CPSF2: variants seen among roughly 807,000 people sequenced by gnomAD.
The protein encoded by CPSF2 is cleavage and polyadenylation specificity factor subunit 2.
Under a neutral mutation model 84.2 loss-of-function variants are expected in CPSF2, and 51 were observed. The ratio of observed to expected loss-of-function variants is 0.61; its 90% CI spans 0.48 to 0.77. CPSF2 has a LOEUF of 0.77. Among genes scored for constraint, CPSF2 ranks in the 30% least tolerant of loss-of-function variants. The probability of loss-of-function intolerance (pLI) is 0.00; values close to 1 mark genes in which losing one functional copy is unlikely to be tolerated. For synonymous variants in CPSF2, 286 were observed against 311.9 expected, an observed-to-expected ratio of 0.92 and a Z score of 0.87; for missense variants, 641 against 929.4, an observed-to-expected ratio of 0.69 and a Z score of 4.03.
chr14:92,142,122 T>A, intron 7 of CPSF2, 42 bp from the exon 8 acceptor site: 1 of 1,396,362 alleles, frequency 7.2e-7, no homozygotes, highest in Non-Finnish European at 9.8e-7. Context: ...TGTAGCATAG[T>A]ATTGTTACGT....
chr14:92,140,790 C>T (rs2069068056), intron 7 of CPSF2, among the ~76,000 whole-genome samples: 2 of 151,880 alleles, frequency 1.3e-5, no homozygotes, highest in Admixed American at 6.6e-5. Context: ...GGTACAGGCC[C>T]GTAGTTCCAG....
chr14:92,165,479 G>A lies in CPSF2; in HGVS notation c.*3735G>A, dbSNP rs2069432124. The stretch of plus-strand genomic sequence containing the variant: ...AAATTTTAGTCATCATAGTGTGGGT[G>A]AAGAAGTGTCTCACTGAGGTTTTGA... On this transcript the variant is annotated 3_prime_UTR_variant, in exon 16 of 16. Coordinates refer to ENST00000298875, the MANE Select transcript of CPSF2 (RefSeq NM_017437.3). 1 of 152,164 alleles carries A rather than the reference G, an allele frequency of 6.6e-6. No homozygotes were observed. Among genetic ancestry groups the A allele is most frequent in the African/African-American group, 2.4e-5 (1 of 41,442 alleles). 9.4% of individuals were successfully genotyped at this position (152,164 alleles called of 1,614,324 possible). A position where few individuals can be genotyped will look rare whatever the true frequency, so the allele number is the denominator to read the frequency against.
rs1275579759 is a variant in CPSF2 at position 92,163,398 on chromosome 14, A to G, written c.*1654A>G. ...AAACAATGTTACAAAAGGCAAATAT[A>G]AAGAGTATGTTTTCTTTTTAGTGCT... On this transcript the variant is annotated 3_prime_UTR_variant, in exon 16 of 16. Transcript: ENST00000298875. The G allele has an allele frequency of 6.6e-6, 1 of 152,658 alleles. No individual in the cohort carries two copies. The highest frequency in any genetic ancestry group is 1.5e-5 in the Non-Finnish European group (1 of 68,048). The allele number at this position is 152,658 out of a possible 1,614,324, so 9.5% of individuals were successfully genotyped here.
intron 6 of CPSF2, among the ~76,000 whole-genome samples, chr14:92,136,404 TC>T (rs1355282428): frequency 6.6e-6 from 1 of 152,164 alleles, no homozygotes; most frequent in Non-Finnish European, 1.5e-5. Flanking sequence ...AGCAAACTGT[TC>T]GCATAAACGC....
intron 7 of CPSF2, among the ~76,000 whole-genome samples, chr14:92,140,234 G>A (rs959546270): frequency 5.9e-5 from 9 of 151,864 alleles, no homozygotes; most frequent in Non-Finnish European, 1.0e-4. Context: ...TTACAGGCGT[G>A]AGCCACCGCG....
intron 8 of CPSF2, among the ~76,000 whole-genome samples, chr14:92,142,783 T>C (rs1010810931): frequency 6.6e-6 from 1 of 152,200 alleles, no homozygotes; most frequent in Admixed American, 6.5e-5. Context: ...AGGTGATTTA[T>C]ATGTGAAATA....
At chr14:92,141,799 C>T (rs991016002) in intron 7 of CPSF2, among the ~76,000 whole-genome samples, 1 of 152,022 alleles carries the variant, frequency 6.6e-6, no homozygotes, top group Non-Finnish European at 1.5e-5. Context: ...GGTGGATAGG[C>T]GAGACCAGGG....
rs541471022 is a variant in CPSF2 at position 92,131,546 on chromosome 14, A to AT, written c.149+413_149+414insT. On this transcript the variant is annotated intron_variant, in intron 3 of 15. Transcript: ENST00000298875. ...TGAGATACTGATTCATCAAAAAAAA[A>AT]ATCAATTATGGGCTGGGCACAGTGG... 2.5e-3 allele frequency among the ~76,000 whole-genome samples: 386 copies of AT among 152,296 alleles called. 3 individuals carry two copies. The highest frequency in any genetic ancestry group is 8.9e-3 in the African/African-American group (372 of 41,568).
chr14:92,131,154 C>G (rs757138374), intron 3 of CPSF2, 21 bp downstream of exon 3: 14 of 1,568,008 alleles, frequency 8.9e-6, no homozygotes, highest in Middle Eastern at 1.7e-4. Context: ...TTTCATAATT[C>G]TATGTTTTTA....
At chr14:92,133,622 C>CTT (rs35567316) in intron 3 of CPSF2, among the ~76,000 whole-genome samples, 56 of 139,412 alleles carry the variant, frequency 4.0e-4, no homozygotes, top group East Asian at 2.1e-3. Flanking sequence ...CCACCCCTGG[C>CTT]TTTTTTTTTT....
chr14:92,123,180 T>G (rs1229615680), intron 1 of CPSF2, among the ~76,000 whole-genome samples: 1 of 152,180 alleles, frequency 6.6e-6, no homozygotes, highest in Non-Finnish European at 1.5e-5. Flanking sequence ...CAGGCTGGAG[T>G]GCAGTGGCAC....
chr14:92,140,300 A>G (rs2069059270), intron 7 of CPSF2, among the ~76,000 whole-genome samples: 1 of 151,958 alleles, frequency 6.6e-6, no homozygotes. Flanking sequence ...CAACTTTAAG[A>G]AGCTCAAGCC....
intron 3 of CPSF2, among the ~76,000 whole-genome samples, chr14:92,132,337 A>G (rs1463561843): frequency 6.6e-6 from 1 of 151,690 alleles, no homozygotes; most frequent in Non-Finnish European, 1.5e-5. Flanking sequence ...GTTTCACCAT[A>G]TTAGCCAGAC....
Position 92,157,707 on chromosome 14 carries a change from C to T in CPSF2, c.1644C>T (p.Ser548=). The T allele has an allele frequency of 6.2e-7, 1 of 1,613,994 alleles. No homozygotes were observed. Among genetic ancestry groups the T allele is most frequent in the Non-Finnish European group, 8.5e-7 (1 of 1,179,972 alleles). The change falls in exon 13 of 16, where the codon TCC becomes TCT. Residue 548 remains serine (S), a synonymous_variant. Transcript: ENST00000298875. The surrounding 1 kb of genome is among the most constrained non-coding windows in gnomAD (Gnocchi z 4.0). ...ATGAAGGACGCTCTGATGGGGATTC[C>T]ATTAAAAAAATCATTAATCAGATGA... is the stretch of plus-strand genomic sequence containing the variant. ...IDYEGRSDGD[S]IKKIINQMKP... is the part of the protein sequence containing the mutation.
intron 1 of CPSF2, among the ~76,000 whole-genome samples, chr14:92,123,530 C>G (rs893381273): frequency 6.6e-6 from 1 of 151,956 alleles, no homozygotes; most frequent in African/African-American, 2.4e-5. Flanking sequence ...TCCCAAGTAG[C>G]TGGGGTCACC....
rs756001972 is a variant in CPSF2 at position 92,158,974 on chromosome 14, C to G, written c.1822-9C>G. 6.3e-7 allele frequency: 1 copy of G among 1,585,524 alleles called. No individual in the cohort carries two copies. Among genetic ancestry groups the G allele is most frequent in the Non-Finnish European group, 8.6e-7 (1 of 1,165,428 alleles). ...GTTTTATTTCTCTCCCCCTCCTTTG[C>G]ATGTCTAGGTGAGGTTAAAAGACTC... On this transcript the variant is annotated splice_polypyrimidine_tract_variant and intron_variant, in intron 13 of 15. Transcript: ENST00000298875.
intron 7 of CPSF2, among the ~76,000 whole-genome samples, chr14:92,139,017 A>T (rs916329921): frequency 6.6e-6 from 1 of 152,306 alleles, no homozygotes; most frequent in Admixed American, 6.5e-5. Context: ...GTGTGTAAAG[A>T]TTGGCTTCTT....
At chr14:92,138,094 T>A in intron 6 of CPSF2, 138 bp from the exon 7 acceptor site, 2 of 436,274 alleles carry the variant, frequency 4.6e-6, no homozygotes, top group Non-Finnish European at 8.3e-6. Context: ...CTGGATTTCT[T>A]ATCAATGAGC....
intron 6 of CPSF2, among the ~76,000 whole-genome samples, chr14:92,137,191 T>C (rs1409553016): frequency 1.3e-5 from 2 of 152,172 alleles, no homozygotes; most frequent in South Asian, 4.1e-4. Flanking sequence ...TTAGATACCA[T>C]TAAAATTATT....
Sources: gnomAD v4.1 joint callset for allele counts (sites outside exome capture counted in the v4.1 genomes callset) on GRCh38, gnomAD v4.1.1 for gene constraint, Gnocchi (gnomAD v3.1) non-coding constraint, MANE v1.5 for transcripts, NCBI Gene and HGNC (gene_info 2026-07-23, HGNC 2026-07-21) for gene names.